CCDC181: variants seen among roughly 807,000 people sequenced by gnomAD.
CCDC181 encodes the protein coiled-coil domain containing 181, also known as coiled-coil domain-containing protein 181.
A neutral mutation model predicts 58.7 loss-of-function variants in CCDC181; 35 were observed. That is an observed-to-expected ratio of 0.60 (90% CI 0.46 to 0.79). The LOEUF is 0.79. Ranked by LOEUF, CCDC181 falls within the 30% of genes least tolerant of loss-of-function variation. The pLI is 0.00. For missense variants in CCDC181, 517 were observed against 583.9 expected, an observed-to-expected ratio of 0.89 and a Z score of 1.18; for synonymous variants, 183 against 197.5, an observed-to-expected ratio of 0.93 and a Z score of 0.62.
intron 1 of CCDC181, among the ~76,000 whole-genome samples, chr1:169,425,835 C>A (rs545050190): frequency 6.6e-6 from 1 of 152,142 alleles, no homozygotes; most frequent in African/African-American, 2.4e-5. Flanking sequence ...CTTTGGAACT[C>A]TTCAGTGCTT....
At chr1:169,439,466 G>A (rs1357953119) in intron 2 of CCDC181, among the ~76,000 whole-genome samples, 1 of 152,218 alleles carries the variant, frequency 6.6e-6, no homozygotes, top group African/African-American at 2.4e-5. Context: ...ACTTGTGACA[G>A]GGGTGCAGCT....
At chr1:169,419,939 T>A (rs1318479348) in intron 3 of CCDC181, among the ~76,000 whole-genome samples, 1 of 152,158 alleles carries the variant, frequency 6.6e-6, no homozygotes, top group Non-Finnish European at 1.5e-5. Flanking sequence ...AACTAAAACA[T>A]GTTAAAAGCC....
At chr1:169,445,974 G>T (rs1457220099) in intron 2 of CCDC181, among the ~76,000 whole-genome samples, 1 of 151,958 alleles carries the variant, frequency 6.6e-6, no homozygotes, top group East Asian at 1.9e-4. Flanking sequence ...CTGGTAATTT[G>T]TGTTTTCTCT....
At chr1:169,397,169 TTGA>T (rs1406157986) in intron 5 of CCDC181, 65 bp downstream of exon 5, 3 of 1,375,276 alleles carry the variant, frequency 2.2e-6, no homozygotes, top group Non-Finnish European at 2.9e-6. Flanking sequence ...CCAATCTTAA[TTGA>T]TGATATAACT....
chr1:169,407,603 G>A (rs1368544901), intron 4 of CCDC181, among the ~76,000 whole-genome samples: 2 of 152,084 alleles, frequency 1.3e-5, no homozygotes, highest in Non-Finnish European at 2.9e-5. Flanking sequence ...AAAAACTATC[G>A]ATCAATAATT....
chr1:169,460,009 T>C (rs751817628), intron 1 of CCDC181: 1 of 151,368 alleles, frequency 6.6e-6, no homozygotes, highest in Non-Finnish European at 1.5e-5. Context: ...AATATTTAAA[T>C]ATTAAATAGT....
At chr1:169,454,995 A>G (rs1557883403) in intron 2 of CCDC181, among the ~76,000 whole-genome samples, 1 of 152,042 alleles carries the variant, frequency 6.6e-6, no homozygotes, top group Non-Finnish European at 1.5e-5. Context: ...TCTAAAATTT[A>G]TAAATGCTAC....
chr1:169,421,747 CAGA>C lies in CCDC181; in HGVS notation c.681_683del (p.Leu228del). On this transcript the variant is annotated inframe_deletion, in exon 3 of 6. Transcript: ENST00000367806. The stretch of plus-strand genomic sequence containing the variant: ...CCTGACTGGCAATGTCTTGTAAATT[CAGA>C]AGTTCAAATTTTCCATCTCTCTCTA... The C allele has an allele frequency of 4.3e-6, 7 of 1,614,032 alleles. No individual in the cohort carries two copies. Among genetic ancestry groups the C allele is most frequent in the Non-Finnish European group, 5.9e-6 (7 of 1,180,014 alleles).
At chr1:169,437,918 T>C (rs1657101750) in intron 2 of CCDC181, among the ~76,000 whole-genome samples, 2 of 152,178 alleles carry the variant, frequency 1.3e-5, no homozygotes, top group African/African-American at 4.8e-5. Flanking sequence ...AACCCCAAAA[T>C]TCCTGTCCTC....
intron 2 of CCDC181, among the ~76,000 whole-genome samples, chr1:169,433,703 T>A (rs550093872): frequency 2.0e-5 from 3 of 152,170 alleles, no homozygotes; most frequent in African/African-American, 7.2e-5. Context: ...TTTCAACAAA[T>A]GGTTCTGGGA....
intron 4 of CCDC181, among the ~76,000 whole-genome samples, chr1:169,418,236 G>C (rs755029409): frequency 2.0e-5 from 3 of 152,036 alleles, no homozygotes; most frequent in Admixed American, 2.0e-4. Flanking sequence ...ACGCAACATT[G>C]GAACCAACCT....
chr1:169,453,045 T>C (rs1348258165), intron 2 of CCDC181, among the ~76,000 whole-genome samples: 1 of 150,948 alleles, frequency 6.6e-6, no homozygotes, highest in Non-Finnish European at 1.5e-5. Flanking sequence ...ACATAATCAA[T>C]GTGAAGCAAA....
chr1:169,453,521 TA>T (rs1440576908), intron 2 of CCDC181, among the ~76,000 whole-genome samples: 1 of 152,064 alleles, frequency 6.6e-6, no homozygotes, highest in Non-Finnish European at 1.5e-5. Context: ...TCTGCCACTC[TA>T]ATGGGGAGGC....
At chr1:169,411,668 A>G (rs1655968557) in intron 4 of CCDC181, among the ~76,000 whole-genome samples, 1 of 152,214 alleles carries the variant, frequency 6.6e-6, no homozygotes, top group Non-Finnish European at 1.5e-5. Context: ...CCAGCAGCAC[A>G]TGAAAAAGTT....
intron 4 of CCDC181, among the ~76,000 whole-genome samples, chr1:169,402,240 T>C (rs1488131220): frequency 6.6e-6 from 1 of 152,202 alleles, no homozygotes; most frequent in East Asian, 1.9e-4. Flanking sequence ...CTTCTGGATA[T>C]GATCCAGGAG....
chr1:169,443,731 T>G (rs942726957), intron 2 of CCDC181, among the ~76,000 whole-genome samples: 1 of 152,128 alleles, frequency 6.6e-6, no homozygotes, highest in Non-Finnish European at 1.5e-5. Flanking sequence ...ACACCAAGCC[T>G]CCATTTAAGG....
chr1:169,439,946 C>G (rs778009049), intron 2 of CCDC181, among the ~76,000 whole-genome samples: 5 of 152,078 alleles, frequency 3.3e-5, no homozygotes, highest in Admixed American at 3.3e-4. Context: ...TTCTCTGCTG[C>G]TCCACTCTGC....
At chr1:169,425,558 A>C (rs1656678201) in intron 1 of CCDC181, among the ~76,000 whole-genome samples, 1 of 152,152 alleles carries the variant, frequency 6.6e-6, no homozygotes, top group South Asian at 2.1e-4. Context: ...TGGAGAAATC[A>C]AGTCAACACT....
chr1:169,424,987 C>A, intron 1 of CCDC181, 37 bp from the exon 2 acceptor site: 1 of 981,118 alleles, frequency 1.0e-6, no homozygotes. Context: ...ATGTTATGCC[C>A]ACTCTAGAGG....
Sources: allele counts gnomAD v4.1 joint callset (sites outside exome capture counted in the v4.1 genomes callset), GRCh38; gene constraint gnomAD v4.1.1; transcripts MANE v1.5; gene names NCBI Gene and HGNC (gene_info 2026-07-23, HGNC 2026-07-21).